PTPRM: variants seen among roughly 807,000 people sequenced by gnomAD.
PTPRM encodes the protein receptor-type tyrosine-protein phosphatase mu.
A neutral mutation model predicts 186.7 loss-of-function variants in PTPRM; 47 were observed. The ratio of observed to expected loss-of-function variants is 0.25; its 90% CI spans 0.20 to 0.32. The LOEUF (loss-of-function observed/expected upper bound fraction) is 0.32, where lower values mean the gene tolerates loss of function less well. Ranked by LOEUF, PTPRM falls within the 10% of genes least tolerant of loss-of-function variation. PTPRM has a pLI of 1.00. For missense variants in PTPRM, 1,494 were observed against 1,865.0 expected (o/e 0.80, Z 3.66); for synonymous variants, 668 against 674.9 (o/e 0.99, Z 0.16).
At chr18:7,836,737 T>C (rs556080479) in intron 2 of PTPRM, among the ~76,000 whole-genome samples, 51 of 152,342 alleles carry the variant, frequency 3.3e-4, no homozygotes, top group African/African-American at 1.1e-3. Flanking sequence ...CCTTCATGTT[T>C]GAAGAATATT....
rs151279558 is a variant in PTPRM at position 7,931,939 on chromosome 18, G to A, written c.663+5256G>A. Among the ~76,000 whole-genome samples, 702 of 152,284 alleles carry A rather than the reference G, an allele frequency of 4.6e-3. 4 individuals carry two copies. Among genetic ancestry groups the A allele is most frequent in the African/African-American group, 0.016 (674 of 41,570 alleles). ...ATGTACCTATAGATGACTCATGCAC[G>A]TGCAGTTACAAGACCTGTGGCATGG... On this transcript the variant is annotated intron_variant, in intron 5 of 32. Transcript: ENST00000580170.
chr18:7,774,108 T>C, intron 1 of PTPRM, 41 bp from the exon 2 acceptor site: 2 of 1,573,012 alleles, frequency 1.3e-6, no homozygotes, highest in Non-Finnish European at 1.7e-6. Flanking sequence ...TCTAGAGGTC[T>C]GGTTGGTATT....
chr18:7,990,832 TG>T (rs956063043), intron 7 of PTPRM, among the ~76,000 whole-genome samples: 4 of 152,100 alleles, frequency 2.6e-5, no homozygotes, highest in African/African-American at 9.7e-5. Flanking sequence ...TGGTGGGGCC[TG>T]GGGGACGGGG....
At chr18:7,629,932 G>C (rs1230673669) in intron 1 of PTPRM, among the ~76,000 whole-genome samples, 1 of 152,150 alleles carries the variant, frequency 6.6e-6, no homozygotes, top group African/African-American at 2.4e-5. Context: ...ATGACAAGGG[G>C]ACATGAGGAG....
chr18:8,327,767 A>G (rs1286995542), intron 22 of PTPRM, among the ~76,000 whole-genome samples: 1 of 152,230 alleles, frequency 6.6e-6, no homozygotes, highest in African/African-American at 2.4e-5. Context: ...TACATATGTC[A>G]GTAAATCAAA....
At chr18:7,918,459 T>G (rs965106490) in intron 4 of PTPRM, among the ~76,000 whole-genome samples, 6 of 152,204 alleles carry the variant, frequency 3.9e-5, no homozygotes, top group Admixed American at 3.3e-4. Flanking sequence ...TAGCTCATTT[T>G]TGTTTTGACT....
chr18:8,267,189 C>A (rs965095692), intron 19 of PTPRM, among the ~76,000 whole-genome samples: 1 of 152,164 alleles, frequency 6.6e-6, no homozygotes, highest in South Asian at 2.1e-4. Flanking sequence ...TTTTACTTGG[C>A]TGATTACTAA....
intron 7 of PTPRM, among the ~76,000 whole-genome samples, chr18:7,984,815 T>A (rs2082773217): frequency 7.5e-6 from 1 of 133,984 alleles, no homozygotes; most frequent in Non-Finnish European, 1.5e-5. Flanking sequence ...ACATATAAAA[T>A]TATATACACA....
At chr18:7,641,581 T>C (rs1398692773) in intron 1 of PTPRM, among the ~76,000 whole-genome samples, 2 of 152,176 alleles carry the variant, frequency 1.3e-5, no homozygotes, top group East Asian at 3.9e-4. Context: ...TCCCAAGAAG[T>C]GGGCGGTTGC....
chr18:7,821,124 A>T (rs2045166533), intron 2 of PTPRM, among the ~76,000 whole-genome samples: 2 of 152,236 alleles, frequency 1.3e-5, no homozygotes, highest in South Asian at 4.1e-4. Flanking sequence ...GAGAAAACCC[A>T]TCTGGTAGAA....
intron 2 of PTPRM, among the ~76,000 whole-genome samples, chr18:7,863,221 A>G (rs1205578490): frequency 2.0e-5 from 3 of 152,070 alleles, no homozygotes; most frequent in Admixed American, 6.6e-5. Flanking sequence ...TTTTCATTAT[A>G]CTTTAAGTTC....
chr18:7,928,169 G>T (rs779828988), intron 5 of PTPRM, among the ~76,000 whole-genome samples: 1 of 152,132 alleles, frequency 6.6e-6, no homozygotes, highest in Middle Eastern at 3.2e-3. Context: ...TGTTTTCTCT[G>T]CCAGGATGTT....
intron 8 of PTPRM, among the ~76,000 whole-genome samples, chr18:8,070,830 T>C (rs1283094797): frequency 6.6e-6 from 1 of 152,224 alleles, no homozygotes; most frequent in Non-Finnish European, 1.5e-5. Context: ...ATTAAACGAA[T>C]GAACTGACTA....
At chr18:7,922,299 C>G (rs2050912837) in intron 4 of PTPRM, among the ~76,000 whole-genome samples, 1 of 152,182 alleles carries the variant, frequency 6.6e-6, no homozygotes, top group African/African-American at 2.4e-5. Context: ...TCCCTTTGGC[C>G]AAGTTACAGA....
At chr18:7,942,887 G>A (rs761718480) in intron 5 of PTPRM, among the ~76,000 whole-genome samples, 6 of 152,004 alleles carry the variant, frequency 3.9e-5, no homozygotes, top group Non-Finnish European at 5.9e-5. Flanking sequence ...TGCCTTACGC[G>A]TGTCTTCTTA....
At chr18:7,750,342 T>C (rs2041152714) in intron 1 of PTPRM, among the ~76,000 whole-genome samples, 1 of 152,242 alleles carries the variant, frequency 6.6e-6, no homozygotes, top group African/African-American at 2.4e-5. Context: ...GACTGTTTTA[T>C]AACATCTTTC....
rs531546670 is a variant in PTPRM at position 8,372,226 on chromosome 18, C to T, written c.3171+1220C>T. Among the ~76,000 whole-genome samples the T allele has an allele frequency of 1.4e-4, 21 of 146,828 alleles. No homozygotes were observed. In the South Asian group the frequency reaches 2.2e-3, roughly 16 times the overall value. Reference sequence around the variant, plus strand: ...AGCTGGGACTACAGGCGCCCGCCACCGCGCCCGGCTAATTTTTTGTATTTT... The same window carrying T: ...AGCTGGGACTACAGGCGCCCGCCACTGCGCCCGGCTAATTTTTTGTATTTT... On this transcript the variant is annotated intron_variant, in intron 24 of 32. Transcript: ENST00000580170.
chr18:8,387,890 A>G (rs2095788116), intron 31 of PTPRM, among the ~76,000 whole-genome samples: 1 of 151,970 alleles, frequency 6.6e-6, no homozygotes, highest in Admixed American at 6.6e-5. Flanking sequence ...CACCCCTGCT[A>G]CACATAGCCC....
intron 7 of PTPRM, among the ~76,000 whole-genome samples, chr18:7,997,806 T>C (rs1465726734): frequency 6.6e-6 from 1 of 152,116 alleles, no homozygotes; most frequent in African/African-American, 2.4e-5. Context: ...ATTAGAGAAG[T>C]GCAGATCAAA....
Sources: allele counts gnomAD v4.1 joint callset (sites outside exome capture counted in the v4.1 genomes callset), GRCh38; gene constraint gnomAD v4.1.1; transcripts MANE v1.5; gene names NCBI Gene and HGNC (gene_info 2026-07-23, HGNC 2026-07-21).